Variants in PALM2AKAP2 observed in about 807,000 individuals in gnomAD.
PALM2AKAP2 encodes PALM2 and AKAP2 fusion, also known as PALM2-AKAP2 fusion protein.
In PALM2AKAP2, 37 loss-of-function variants were observed where a neutral mutation model predicts 71.5. The ratio of observed to expected loss-of-function variants is 0.52; its 90% CI spans 0.40 to 0.68. The LOEUF is 0.68. Ranked by LOEUF, PALM2AKAP2 falls within the 30% of genes least tolerant of loss-of-function variation. The pLI, the probability that PALM2AKAP2 is intolerant of heterozygous loss-of-function variation, is 0.00. For missense variants in PALM2AKAP2, 1,224 were observed against 1,191.8 expected, an observed-to-expected ratio of 1.03 and a Z score of -0.40; for synonymous variants, 468 against 478.8, an observed-to-expected ratio of 0.98 and a Z score of 0.29.
At chr9:109,912,756 G>A (rs1172045995) in intron 3 of PALM2AKAP2, among the ~76,000 whole-genome samples, 5 of 152,164 alleles carry the variant, frequency 3.3e-5, no homozygotes, top group Admixed American at 6.5e-5. Context: ...TAGATAGATC[G>A]ATGAGGTTAA....
intron 1 of PALM2AKAP2, among the ~76,000 whole-genome samples, chr9:109,820,617 A>C (rs950657572): frequency 6.6e-6 from 1 of 152,182 alleles, no homozygotes; most frequent in African/African-American, 2.4e-5. Flanking sequence ...GACTTGCCAC[A>C]GGGGCTGGTG....
At chr9:109,981,850 G>A (rs1041566419) in intron 6 of PALM2AKAP2, among the ~76,000 whole-genome samples, 2 of 152,118 alleles carry the variant, frequency 1.3e-5, no homozygotes, top group African/African-American at 4.8e-5. Flanking sequence ...CTCTTGGTGG[G>A]AGTGTAAATT....
intron 1 of PALM2AKAP2, among the ~76,000 whole-genome samples, chr9:109,691,775 A>G (rs1329019922): frequency 6.9e-6 from 1 of 144,528 alleles, no homozygotes; most frequent in Non-Finnish European, 1.5e-5. Flanking sequence ...CATAGCGGGA[A>G]GTGGCATTTC....
chr9:110,158,493 G>A (rs1399891165), intron 3 of PALM2AKAP2, among the ~76,000 whole-genome samples: 1 of 152,168 alleles, frequency 6.6e-6, no homozygotes, highest in Non-Finnish European at 1.5e-5. Context: ...AAGGGTAGAG[G>A]CAGTTCTCAC....
chr9:109,674,878 ATTT>A (rs899612574), intron 1 of PALM2AKAP2, among the ~76,000 whole-genome samples: 6 of 151,964 alleles, frequency 3.9e-5, no homozygotes, highest in Non-Finnish European at 7.4e-5. Context: ...TTGACTTATA[ATTT>A]TTTTTACTTT....
chr9:109,662,506 A>C (rs1827414692), intron 1 of PALM2AKAP2, among the ~76,000 whole-genome samples: 1 of 152,226 alleles, frequency 6.6e-6, no homozygotes, highest in South Asian at 2.1e-4. Context: ...TTTGCATCCC[A>C]GGGATGAAGC....
chr9:109,905,718 C>G (rs924595022), intron 3 of PALM2AKAP2, among the ~76,000 whole-genome samples: 2 of 152,252 alleles, frequency 1.3e-5, no homozygotes, highest in African/African-American at 4.8e-5. Context: ...AGGGGCCAGG[C>G]TGTCCTTGGA....
chr9:109,688,436 T>A (rs1277101658), intron 1 of PALM2AKAP2, among the ~76,000 whole-genome samples: 1 of 152,230 alleles, frequency 6.6e-6, no homozygotes, highest in Non-Finnish European at 1.5e-5. Context: ...CCTTGCTCTA[T>A]CTTGAGTGTC....
exon 2 of PALM2AKAP2, chr9:110,136,744 T>G: frequency 6.2e-7 from 1 of 1,614,122 alleles, no homozygotes; most frequent in South Asian, 1.1e-5. Context: ...GAGAGTTCAC[T>G]CTCACCACAC....
intron 1 of PALM2AKAP2, among the ~76,000 whole-genome samples, chr9:110,058,628 G>A (rs567470): frequency 0.22 from 33,699 of 151,854 alleles, 3,954 homozygotes; most frequent in African/African-American, 0.29. Flanking sequence ...CCCTGCCTGC[G>A]TGGATCCACA....
At chr9:109,754,318 A>G (rs541273433) in intron 1 of PALM2AKAP2, among the ~76,000 whole-genome samples, 1 of 152,202 alleles carries the variant, frequency 6.6e-6, no homozygotes, top group Non-Finnish European at 1.5e-5. Context: ...TGTGAATCCT[A>G]TAACAGAATC....
chr9:109,964,148 T>C, intron 6 of PALM2AKAP2, among the ~76,000 whole-genome samples: 1 of 152,288 alleles, frequency 6.6e-6, no homozygotes, highest in Non-Finnish European at 1.5e-5. Context: ...ATATACTGTA[T>C]GTCAGCATCT....
intron 1 of PALM2AKAP2, among the ~76,000 whole-genome samples, chr9:109,702,691 T>A (rs1014302984): frequency 6.6e-6 from 1 of 150,928 alleles, no homozygotes; most frequent in African/African-American, 2.4e-5. Context: ...CATGTATACA[T>A]ATGTAACTAA....
At chr9:109,842,643 G>A (rs1400962323) in intron 1 of PALM2AKAP2, among the ~76,000 whole-genome samples, 2 of 151,088 alleles carry the variant, frequency 1.3e-5, no homozygotes, top group East Asian at 1.9e-4. Flanking sequence ...TGTTGTCGTC[G>A]TTGTTGAATC....
intron 6 of PALM2AKAP2, among the ~76,000 whole-genome samples, chr9:109,997,328 T>C (rs1197726735): frequency 6.6e-6 from 1 of 152,212 alleles, no homozygotes; most frequent in Non-Finnish European, 1.5e-5. Flanking sequence ...TGTGTCTACC[T>C]CATCATGTTG....
At chr9:109,731,239 C>A (rs1051190918) in intron 1 of PALM2AKAP2, among the ~76,000 whole-genome samples, 1 of 152,182 alleles carries the variant, frequency 6.6e-6, no homozygotes, top group Non-Finnish European at 1.5e-5. Context: ...ACCTCTACTG[C>A]CAGCAAATAA....
rs1327270563 is a variant in PALM2AKAP2, at chr9:110,156,216, T to A, written c.2570-103T>A. 5.6e-6 allele frequency: 8 copies of A among 1,422,024 alleles called. No individual in the cohort carries two copies. The East Asian group carries it at 1.9e-4, about 34-fold the overall frequency. The allele number at this position is 1,422,024 out of a possible 1,614,324, so 88.1% of individuals were successfully genotyped here. ...CACTTAACCATCATTCTGGTACCAC[T>A]CTCTGTGTCAGAGGTTGTTGCTCTT... On this transcript the variant is annotated intron_variant, in intron 2 of 3. Coordinates refer to ENST00000374525, the Ensembl canonical transcript of PALM2AKAP2.
intron 1 of PALM2AKAP2, among the ~76,000 whole-genome samples, chr9:110,135,142 T>A (rs1225259532): frequency 1.1e-5 from 1 of 88,454 alleles, no homozygotes; most frequent in African/African-American, 5.0e-5. Flanking sequence ...ATGGAGGAAC[T>A]CTGTCTCTAC....
intron 1 of PALM2AKAP2, among the ~76,000 whole-genome samples, chr9:110,114,458 TGGGGCG>T (rs1386959959): frequency 2.0e-5 from 3 of 152,198 alleles, no homozygotes; most frequent in Non-Finnish European, 4.4e-5. Context: ...ACATGAATTT[TGGGGCG>T]GGGCACTATT....
Sources: gnomAD v4.1 joint callset for allele counts (sites outside exome capture counted in the v4.1 genomes callset) on GRCh38, gnomAD v4.1.1 for gene constraint, MANE v1.5 for transcripts, NCBI Gene and HGNC (gene_info 2026-07-23, HGNC 2026-07-21) for gene names.